PLBD1: variants seen among roughly 807,000 people sequenced by gnomAD.
The protein encoded by PLBD1 is lysosomal leucine aminopeptidase.
A neutral mutation model predicts 63.0 loss-of-function variants in PLBD1; 60 were observed. The observed-to-expected ratio is 0.95, with a 90% confidence interval of 0.77 to 1.18. PLBD1 has a LOEUF of 1.18. Among genes scored for constraint, PLBD1 ranks in the 50% most tolerant of loss-of-function variants. The pLI, the probability that PLBD1 is intolerant of heterozygous loss-of-function variation, is 0.00. For synonymous variants in PLBD1, 262 were observed against 248.0 expected (o/e 1.06, Z -0.53); for missense variants, 598 against 677.9 (o/e 0.88, Z 1.31).
chr12:14,552,309 C>A (rs1441452897), intron 2 of PLBD1, among the ~76,000 whole-genome samples: 1 of 152,004 alleles, frequency 6.6e-6, no homozygotes, highest in African/African-American at 2.4e-5. Context: ...AGGCATGTAT[C>A]CTGATTGCAT....
At position 14,503,790 on chromosome 12, in the gene PLBD1, C is replaced by T; in HGVS notation, c.1644G>A (p.Leu548=). The T allele has an allele frequency of 6.2e-7, 1 of 1,613,238 alleles. No individual in the cohort carries two copies. The highest frequency in any genetic ancestry group is 1.1e-5 in the South Asian group (1 of 91,026). Residue 548 remains leucine (L), a synonymous_variant, in exon 11 of 11, where the codon TTG becomes TTA. Transcript: ENST00000240617. The stretch of plus-strand genomic sequence containing the variant: ...CCCTCCTTCATTTTATATCAAGTTT[C>T]AAAATTGGTTTCATGGTAATAAAAT... ...NFDFITMKPI[L]KLDIK
At chr12:14,536,005 G>A (rs1198004347) in intron 5 of PLBD1, 2 of 520,912 alleles carry the variant, frequency 3.8e-6, no homozygotes, top group East Asian at 7.2e-5. Context: ...ATTCAAAATG[G>A]AAGACTCCAG....
chr12:14,541,516 CT>C (rs1565578008), intron 3 of PLBD1, among the ~76,000 whole-genome samples: 1 of 152,164 alleles, frequency 6.6e-6, no homozygotes, highest in East Asian at 1.9e-4. Flanking sequence ...ACTTTGCGTA[CT>C]GAAAACTATT....
intron 6 of PLBD1, chr12:14,533,202 T>C (rs1190057993): frequency 1.3e-5 from 2 of 152,270 alleles, no homozygotes; most frequent in African/African-American, 4.8e-5. Flanking sequence ...GTCTACTGGA[T>C]GAATCCAATG....
intron 8 of PLBD1, 104 bp from the exon 9 acceptor site, chr12:14,507,222 T>C (rs1212449689): frequency 3.4e-6 from 3 of 873,264 alleles, no homozygotes; most frequent in South Asian, 1.8e-5. Flanking sequence ...ATTTTGAAAA[T>C]GGGCACAGGC....
At chr12:14,564,619 A>C (rs930616661) in intron 1 of PLBD1, among the ~76,000 whole-genome samples, 1 of 152,252 alleles carries the variant, frequency 6.6e-6, no homozygotes, top group Non-Finnish European at 1.5e-5. Context: ...TATATTTCTA[A>C]CTAAAAATTA....
intron 1 of PLBD1, among the ~76,000 whole-genome samples, chr12:14,563,497 A>G (rs774212722): frequency 2.0e-5 from 3 of 148,970 alleles, no homozygotes; most frequent in African/African-American, 5.0e-5. Flanking sequence ...CAGCTTGGGC[A>G]ACAGAGCAAG....
intron 8 of PLBD1, among the ~76,000 whole-genome samples, chr12:14,510,981 C>A (rs773379754): frequency 2.6e-5 from 4 of 152,144 alleles, no homozygotes; most frequent in Non-Finnish European, 5.9e-5. Flanking sequence ...AAAGCTTTAA[C>A]CAGGAACACA....
At position 14,536,385 on chromosome 12, in the gene PLBD1, G is replaced by A. The variant is rs544496683; in HGVS notation, c.699+185C>T. Among the ~76,000 whole-genome samples, 6 of 152,308 alleles carry A rather than the reference G, an allele frequency of 3.9e-5. No individual in the cohort carries two copies. In the South Asian group the frequency reaches 1.2e-3, roughly 32 times the overall value. The stretch of plus-strand genomic sequence containing the variant: ...TGGGAGGAATGGTGGAAGAACAGAT[G>A]TAACATCGTGTACTTACAATTCTCT... On this transcript the variant is annotated intron_variant, in intron 5 of 10. Transcript: ENST00000240617.
At chr12:14,553,064 C>G (rs1945672439) in intron 2 of PLBD1, 129 bp downstream of exon 2, 5 of 848,534 alleles carry the variant, frequency 5.9e-6, no homozygotes, top group African/African-American at 5.1e-5. Context: ...GATAATGTCT[C>G]TATCACACAT....
chr12:14,504,894 C>T (rs1272319676), intron 10 of PLBD1, among the ~76,000 whole-genome samples: 1 of 152,072 alleles, frequency 6.6e-6, no homozygotes, highest in Non-Finnish European at 1.5e-5. Flanking sequence ...CTGATAAGAA[C>T]AATTGCAGGC....
At position 14,506,174 on chromosome 12, in the gene PLBD1, A is replaced by G; in HGVS notation, c.1467T>C (p.Cys489=). 1 of 1,606,944 alleles carries G rather than the reference A, an allele frequency of 6.2e-7. No individual in the cohort carries two copies. The highest frequency in any genetic ancestry group is 2.2e-5 in the East Asian group (1 of 44,676). The change falls in exon 10 of 11, where the codon TGT becomes TGC. Residue 489 remains cysteine, a synonymous_variant. Coordinates refer to ENST00000240617, the MANE Select transcript of PLBD1 (RefSeq NM_024829.6). ...AATAGCATGTTACCTTTGTGTCATA[A>G]CAACCTCCAGGACTTGGGTTAGGTG... ...LNSPNPSPGG[C]YDTKVADIYL...
intron 1 of PLBD1, among the ~76,000 whole-genome samples, chr12:14,564,989 A>G (rs1481172136): frequency 6.6e-6 from 1 of 152,212 alleles, no homozygotes; most frequent in Non-Finnish European, 1.5e-5. Flanking sequence ...CCACTTAGAA[A>G]AAATTATATA....
At chr12:14,523,453 C>G (rs1301853530) in intron 6 of PLBD1, among the ~76,000 whole-genome samples, 1 of 147,944 alleles carries the variant, frequency 6.8e-6, no homozygotes, top group African/African-American at 2.4e-5. Flanking sequence ...ATACCAATGA[C>G]ATTCTTCATA....
chr12:14,536,949 C>T (rs977854980), intron 4 of PLBD1, among the ~76,000 whole-genome samples: 5 of 151,888 alleles, frequency 3.3e-5, no homozygotes, highest in African/African-American at 1.2e-4. Flanking sequence ...ATTAGTTGGG[C>T]GTGGTGGCGG....
chr12:14,519,546 G>A (rs1945360931), intron 6 of PLBD1, among the ~76,000 whole-genome samples: 2 of 151,798 alleles, frequency 1.3e-5, no homozygotes, highest in South Asian at 4.2e-4. Flanking sequence ...ATGAACCTGG[G>A]AGGCAGAGGT....
chr12:14,516,695 G>A (rs2136908818), intron 6 of PLBD1, among the ~76,000 whole-genome samples: 1 of 152,224 alleles, frequency 6.6e-6, no homozygotes, highest in African/African-American at 2.4e-5. Context: ...AGATCATTAA[G>A]CTTGAAGCCT....
Position 14,567,660 on chromosome 12 carries a change from G to T in PLBD1, c.37C>A (p.Pro13Thr). 6.7e-7 allele frequency: 1 copy of T among 1,487,940 alleles called. No homozygotes were observed. The allele number at this position is 1,487,940 out of a possible 1,614,324, so 92.2% of individuals were successfully genotyped here. The part of the protein sequence containing the change: ...RGGPGGRPGL[P>T]QPPPLLLLLL... ...AGCAGCAGAAGCGGTGGCGGCTGTGGCAGCCCCGGGCGCCCGCCCGGACCG... is the reference window on the plus strand; with the variant it reads ...AGCAGCAGAAGCGGTGGCGGCTGTGTCAGCCCCGGGCGCCCGCCCGGACCG... The change falls in exon 1 of 11, where the codon CCA (proline) becomes ACA (threonine). Residue 13 changes from proline to threonine, a missense_variant. By Grantham distance (38) the Pro-to-Thr change is conservative. Coordinates refer to ENST00000240617, the MANE Select transcript of PLBD1 (RefSeq NM_024829.6).
At position 14,506,150 on chromosome 12, in the gene PLBD1, A is replaced by T; in HGVS notation, c.1479+12T>A. The T allele has an allele frequency of 6.4e-7, 1 of 1,573,740 alleles. No individual in the cohort carries two copies. The highest frequency in any genetic ancestry group is 8.7e-7 in the Non-Finnish European group (1 of 1,149,110). On this transcript the variant is annotated intron_variant, in intron 10 of 10. Coordinates refer to ENST00000240617, the MANE Select transcript of PLBD1 (RefSeq NM_024829.6). ...TGGTGGGAATTAAATTCAAAAGCCA[A>T]TAGCATGTTACCTTTGTGTCATAAC...
Sources: gnomAD v4.1 joint callset for allele counts (sites outside exome capture counted in the v4.1 genomes callset) on GRCh38, gnomAD v4.1.1 for gene constraint, MANE v1.5 for transcripts, NCBI Gene and HGNC (gene_info 2026-07-23, HGNC 2026-07-21) for gene names.